Variants in INSC observed in about 807,000 individuals in gnomAD.
INSC encodes the protein INSC spindle orientation adaptor protein, also known as protein inscuteable homolog.
INSC carries 67 observed loss-of-function variants against 58.6 expected under a neutral mutation model. That is an observed-to-expected ratio of 1.14 (90% CI 0.94 to 1.40). The LOEUF (loss-of-function observed/expected upper bound fraction) is 1.40, where lower values mean the gene tolerates loss of function less well. INSC is among the 40% of genes most tolerant of loss of function. INSC has a pLI of 0.00. For synonymous variants in INSC, 262 were observed against 276.1 expected (o/e 0.95, Z 0.51); for missense variants, 714 against 692.0 (o/e 1.03, Z -0.36).
rs756360980 is a variant in INSC, at chr11:15,238,959, G to T, written c.1278G>T (p.Arg426Ser). ...LIMGMLSEKP[R>S]SGTPAEVAAC... Reference sequence around the variant, plus strand: ...TGGGCATGCTGTCTGAAAAACCAAGGTCTGGGACTCCTGCTGAAGTGGCAG... The same window carrying T: ...TGGGCATGCTGTCTGAAAAACCAAGTTCTGGGACTCCTGCTGAAGTGGCAG... The change falls in exon 11 of 13, where the codon AGG becomes AGT. Residue 426 changes from arginine (R) to serine (S), a missense_variant. Physicochemically the swap from Arg to Ser is moderately radical, Grantham distance 110. Coordinates refer to ENST00000379556, the MANE Select transcript of INSC (RefSeq NM_001042536.3). 14 of 1,614,210 alleles carry T rather than the reference G, an allele frequency of 8.7e-6. No homozygotes were observed. The highest frequency in any genetic ancestry group is 1.2e-5 in the Non-Finnish European group (14 of 1,180,026).
the INSC span, among the ~76,000 whole-genome samples, chr11:15,260,849 T>C: frequency 6.6e-6 from 1 of 152,130 alleles, no homozygotes; most frequent in Admixed American, 6.6e-5. Flanking sequence ...GGAGCACCTC[T>C]TATGGTTTAC....
At chr11:15,169,796 A>G (rs1473128900) in intron 2 of INSC, among the ~76,000 whole-genome samples, 1 of 152,078 alleles carries the variant, frequency 6.6e-6, no homozygotes. Flanking sequence ...AGAAAGTTAC[A>G]AAGGTAGTAC....
intron 1 of INSC, among the ~76,000 whole-genome samples, chr11:15,133,615 A>G (rs931668157): frequency 6.6e-6 from 1 of 152,196 alleles, no homozygotes; most frequent in African/African-American, 2.4e-5. Context: ...CTCCCCTTGG[A>G]AAGTTCCTAG....
chr11:15,256,192 C>T, the INSC span, among the ~76,000 whole-genome samples: 1 of 152,208 alleles, frequency 6.6e-6, no homozygotes, highest in Non-Finnish European at 1.5e-5. Context: ...CTTGGCTGCT[C>T]ACACCATTCC....
At chr11:15,112,569 T>G, upstream of INSC, 1 of 1,527,646 alleles carries the variant, frequency 6.5e-7, no homozygotes, top group Non-Finnish European at 8.9e-7. Flanking sequence ...CTGTGCCGTA[T>G]GTATCTGGGA....
intron 5 of INSC, among the ~76,000 whole-genome samples, chr11:15,189,842 T>C (rs538658004): frequency 6.6e-6 from 1 of 152,326 alleles, no homozygotes; most frequent in Non-Finnish European, 1.5e-5. Context: ...TTACACTCAA[T>C]GAATCACATG....
At chr11:15,258,699 G>T in the INSC span, among the ~76,000 whole-genome samples, 1 of 152,060 alleles carries the variant, frequency 6.6e-6, no homozygotes, top group Non-Finnish European at 1.5e-5. Context: ...AGAAATTCTG[G>T]AGCAGGAGAA....
At chr11:15,152,022 A>G (rs1792579) in intron 2 of INSC, among the ~76,000 whole-genome samples, 1 of 152,012 alleles carries the variant, frequency 6.6e-6, no homozygotes, top group African/African-American at 2.4e-5. Flanking sequence ...TTGTTATGGG[A>G]TGGATACTCC....
chr11:15,250,421 A>G (rs141223829), downstream of INSC, among the ~76,000 whole-genome samples: 160 of 152,332 alleles, frequency 1.1e-3, 2 homozygotes, highest in African/African-American at 3.7e-3. Context: ...AGTTGTTGTC[A>G]TCATCATAAC....
At chr11:15,201,016 T>A (rs1564899722) in intron 7 of INSC, 67 bp downstream of exon 7, 1 of 1,524,796 alleles carries the variant, frequency 6.6e-7, no homozygotes, top group Non-Finnish European at 8.8e-7. Flanking sequence ...CCAGGCCTCA[T>A]GATGGCCATC....
intron 2 of INSC, among the ~76,000 whole-genome samples, chr11:15,161,575 T>C (rs1476286865): frequency 6.6e-6 from 1 of 152,162 alleles, no homozygotes; most frequent in Non-Finnish European, 1.5e-5. Context: ...GAAAAAAACC[T>C]TCTCAGTGTT....
At chr11:15,119,858 T>C (rs767107807) in intron 1 of INSC, among the ~76,000 whole-genome samples, 3 of 152,218 alleles carry the variant, frequency 2.0e-5, no homozygotes, top group African/African-American at 4.8e-5. Flanking sequence ...ATCTGTAAAA[T>C]GGGGTTCCTC....
intron 7 of INSC, among the ~76,000 whole-genome samples, chr11:15,215,521 A>T (rs935001910): frequency 1.3e-5 from 2 of 152,222 alleles, no homozygotes; most frequent in African/African-American, 2.4e-5. Flanking sequence ...ACAACAAGTG[A>T]GGAGGCCAGA....
In INSC at chr11:15,235,588, A is replaced by G. The variant is rs755109763; in HGVS notation, c.1171-14A>G. 2 of 1,611,268 alleles carry G rather than the reference A, an allele frequency of 1.2e-6. No homozygotes were observed. Among genetic ancestry groups the G allele is most frequent in the Non-Finnish European group, 1.7e-6 (2 of 1,177,396 alleles). On this transcript the variant is annotated splice_polypyrimidine_tract_variant and intron_variant, in intron 9 of 12. Coordinates refer to ENST00000379556, the MANE Select transcript of INSC (RefSeq NM_001042536.3). ...TGTGCTCATTTTCTGAGGTTTCTAA[A>G]TTATCTTTTCCAGATTGTGACCATC...
Position 15,235,690 on chromosome 11 carries a change from CAT to C in INSC, c.1237+23_1237+24del, listed in dbSNP as rs143252211. Reference sequence around the variant, plus strand: ...AATGGTATGTCTTTGCAGCATTGTACATGTTATGTGGATTATCTGGATGTAGG... The same window carrying C: ...AATGGTATGTCTTTGCAGCATTGTACGTTATGTGGATTATCTGGATGTAGG... On this transcript the variant is annotated intron_variant, in intron 10 of 12. Transcript: ENST00000379556. 828 of 1,590,890 alleles carry C rather than the reference CAT, an allele frequency of 5.2e-4. 9 individuals carry two copies. The African/African-American group carries it at 9.7e-3, about 19-fold the overall frequency.
intron 12 of INSC, among the ~76,000 whole-genome samples, chr11:15,241,369 T>G (rs934245648): frequency 5.3e-5 from 8 of 152,226 alleles, no homozygotes; most frequent in Non-Finnish European, 8.8e-5. Flanking sequence ...CAGCCCATTT[T>G]GAGCTGAGCT....
At position 15,238,959 on chromosome 11, in the gene INSC, G is replaced by A. The variant is rs756360980; in HGVS notation, c.1278G>A (p.Arg426=). ...TGGGCATGCTGTCTGAAAAACCAAG[G>A]TCTGGGACTCCTGCTGAAGTGGCAG... ...LIMGMLSEKP[R]SGTPAEVAAC... The change falls in exon 11 of 13, where the codon AGG becomes AGA. Residue 426 remains arginine, a synonymous_variant. Transcript: ENST00000379556. 6.2e-7 allele frequency: 1 copy of A among 1,614,210 alleles called. No individual in the cohort carries two copies. The highest frequency in any genetic ancestry group is 8.5e-7 in the Non-Finnish European group (1 of 1,180,026).
intron 2 of INSC, among the ~76,000 whole-genome samples, chr11:15,151,606 CTGA>C (rs200757326): frequency 0.28 from 42,234 of 149,924 alleles, 6,961 homozygotes; most frequent in Non-Finnish European, 0.37. Flanking sequence ...ATCTGGGATG[CTGA>C]TCTTCTTGTT....
chr11:15,122,983 C>G, intron 1 of INSC, among the ~76,000 whole-genome samples: 1 of 152,204 alleles, frequency 6.6e-6, no homozygotes, highest in East Asian at 1.9e-4. Flanking sequence ...GCTGCCCTCT[C>G]CTACATCTCC....
Sources: gnomAD v4.1 joint callset for allele counts (sites outside exome capture counted in the v4.1 genomes callset) on GRCh38, gnomAD v4.1.1 for gene constraint, MANE v1.5 for transcripts, NCBI Gene and HGNC (gene_info 2026-07-23, HGNC 2026-07-21) for gene names.